The following NAV2 variants were observed in gnomAD, a reference collection of about 807,000 sequenced individuals.
NAV2 encodes neuron navigator 2, also known as helicase, APC down-regulated 1.
A neutral mutation model predicts 223.2 loss-of-function variants in NAV2; 54 were observed. The observed-to-expected ratio is 0.24, with a 90% CI of 0.19 to 0.30. NAV2 has a LOEUF of 0.30. Among genes scored for constraint, NAV2 ranks in the 10% least tolerant of loss-of-function variants. The pLI, the probability that NAV2 is intolerant of heterozygous loss-of-function variation, is 1.00. For missense variants in NAV2, 2,806 were observed against 3,147.5 expected (o/e 0.89, Z 2.60); for synonymous variants, 1,279 against 1,239.3 (o/e 1.03, Z -0.67).
At chr11:20,068,069 G>T in intron 20 of NAV2, 117 bp from the exon 21 acceptor site, 1 of 957,784 alleles carries the variant, frequency 1.0e-6, no homozygotes, top group Non-Finnish European at 1.6e-6. Context: ...CACCAGAAAA[G>T]AAACTAATAA....
chr11:19,694,366 T>C (rs1223203425), intron 1 of NAV2, among the ~76,000 whole-genome samples: 1 of 152,070 alleles, frequency 6.6e-6, no homozygotes, highest in Non-Finnish European at 1.5e-5. Context: ...TCTGCATGCA[T>C]AGGTGAAGGG....
At chr11:19,674,824 T>C (rs569782767) in intron 1 of NAV2, among the ~76,000 whole-genome samples, 2 of 152,302 alleles carry the variant, frequency 1.3e-5, no homozygotes, top group Admixed American at 1.3e-4. Context: ...TAAGAGGCAG[T>C]AGCTATTAGG....
At chr11:19,857,519 G>A (rs965463101) in intron 3 of NAV2, among the ~76,000 whole-genome samples, 1 of 152,202 alleles carries the variant, frequency 6.6e-6, no homozygotes, top group Non-Finnish European at 1.5e-5. Flanking sequence ...ACTGAGAAGA[G>A]AGTAGATGCT....
chr11:19,881,578 G>T (rs1438445929), intron 5 of NAV2, among the ~76,000 whole-genome samples: 1 of 152,164 alleles, frequency 6.6e-6, no homozygotes, highest in South Asian at 2.1e-4. Flanking sequence ...GGTCTACTGA[G>T]ATCCTTGAAC....
chr11:19,775,186 A>G (rs1214699514), intron 1 of NAV2, among the ~76,000 whole-genome samples: 3 of 152,246 alleles, frequency 2.0e-5, no homozygotes, highest in Non-Finnish European at 4.4e-5. Context: ...TTTTCCAAAT[A>G]TATAAATATA....
chr11:19,995,419 C>T (rs2051773552), intron 11 of NAV2, among the ~76,000 whole-genome samples: 1 of 152,218 alleles, frequency 6.6e-6, no homozygotes, highest in Non-Finnish European at 1.5e-5. Context: ...TGGCTTCTTG[C>T]AGCTGGCATG....
At chr11:20,037,602 G>A (rs887147812) in intron 12 of NAV2, among the ~76,000 whole-genome samples, 2 of 152,156 alleles carry the variant, frequency 1.3e-5, no homozygotes, top group Non-Finnish European at 1.5e-5. Flanking sequence ...CTAGAAAGGG[G>A]GCCATGGGTA....
chr11:19,446,588 G>T (rs947998919), intron 1 of NAV2, among the ~76,000 whole-genome samples: 2 of 152,142 alleles, frequency 1.3e-5, no homozygotes, highest in Non-Finnish European at 2.9e-5. Context: ...CCAGGTGATA[G>T]CAGGGGGTTA....
intron 1 of NAV2, among the ~76,000 whole-genome samples, chr11:19,804,070 G>A (rs1467659814): frequency 6.6e-6 from 1 of 152,190 alleles, no homozygotes; most frequent in East Asian, 1.9e-4. Flanking sequence ...CTACTCATTA[G>A]GTCAGTGAGA....
At chr11:19,426,766 A>C (rs1371360129) in intron 1 of NAV2, among the ~76,000 whole-genome samples, 4 of 151,960 alleles carry the variant, frequency 2.6e-5, no homozygotes. Context: ...CTGTTTTGGC[A>C]GGAAAATTTA....
chr11:19,464,825 A>G (rs1251090254), intron 1 of NAV2, among the ~76,000 whole-genome samples: 7 of 152,236 alleles, frequency 4.6e-5, no homozygotes, highest in Non-Finnish European at 8.8e-5. Flanking sequence ...TACAGTTTGC[A>G]TTTAGGACTT....
At chr11:19,765,357 TG>T (rs2055115943) in intron 1 of NAV2, among the ~76,000 whole-genome samples, 1 of 148,202 alleles carries the variant, frequency 6.7e-6, no homozygotes, top group African/African-American at 2.5e-5. Context: ...CTCCTCATCC[TG>T]TCCTCCTCAT....
intron 1 of NAV2, among the ~76,000 whole-genome samples, chr11:19,555,581 T>C (rs1000759020): frequency 1.3e-5 from 2 of 152,198 alleles, no homozygotes; most frequent in South Asian, 4.1e-4. Flanking sequence ...ATGTTCAAGT[T>C]TTATTAGCTG....
chr11:20,100,609 C>T (rs2061574120), intron 31 of NAV2, among the ~76,000 whole-genome samples: 1 of 147,032 alleles, frequency 6.8e-6, no homozygotes, highest in African/African-American at 2.5e-5. Context: ...TATAGTAAAT[C>T]CAGACAGGCA....
At chr11:19,551,420 C>T (rs974513057) in intron 1 of NAV2, among the ~76,000 whole-genome samples, 8 of 152,228 alleles carry the variant, frequency 5.3e-5, no homozygotes, top group African/African-American at 1.9e-4. Flanking sequence ...CTGGGTTCCA[C>T]GGCAAGTCCT....
chr11:19,908,403 C>T (rs946521759), intron 6 of NAV2, among the ~76,000 whole-genome samples: 2 of 152,134 alleles, frequency 1.3e-5, no homozygotes, highest in Non-Finnish European at 2.9e-5. Flanking sequence ...TCCTCATCCT[C>T]ACTGGTAACT....
intron 1 of NAV2, among the ~76,000 whole-genome samples, chr11:19,561,195 C>T (rs1202355460): frequency 7.9e-5 from 12 of 152,196 alleles, no homozygotes; most frequent in Non-Finnish European, 4.4e-5. Flanking sequence ...GTTGGGTCTT[C>T]TTCCTTTGAT....
chr11:19,752,085 A>G (rs2053870535), intron 1 of NAV2, among the ~76,000 whole-genome samples: 1 of 152,200 alleles, frequency 6.6e-6, no homozygotes, highest in Non-Finnish European at 1.5e-5. Context: ...ATTTGCAGAC[A>G]GATAATAGAT....
intron 11 of NAV2, among the ~76,000 whole-genome samples, chr11:20,034,462 C>A (rs1278665612): frequency 1.3e-5 from 2 of 151,812 alleles, no homozygotes; most frequent in Non-Finnish European, 2.9e-5. Flanking sequence ...TCACTGCAAC[C>A]TCTGCCTCCC....
Sources: gnomAD v4.1 joint callset for allele counts (sites outside exome capture counted in the v4.1 genomes callset) on GRCh38, gnomAD v4.1.1 for gene constraint, MANE v1.5 for transcripts, NCBI Gene and HGNC (gene_info 2026-07-23, HGNC 2026-07-21) for gene names.